Variants in TENM1 observed in about 807,000 individuals in gnomAD.
The protein encoded by TENM1 is teneurin transmembrane protein 1.
A neutral mutation model predicts 174.8 loss-of-function variants in TENM1; 35 were observed. The ratio of observed to expected loss-of-function variants is 0.20; its 90% CI spans 0.15 to 0.27. The LOEUF (loss-of-function observed/expected upper bound fraction) is 0.27, where lower values mean the gene tolerates loss of function less well. Among genes scored for constraint, TENM1 ranks in the 10% least tolerant of loss-of-function variants. The pLI, the probability that TENM1 is intolerant of heterozygous loss-of-function variation, is 1.00. For missense variants in TENM1, 1,633 were observed against 2,130.1 expected (o/e 0.77, Z 4.59); for synonymous variants, 781 against 798.7 (o/e 0.98, Z 0.37).
chrX:125,056,206 C>A, the TENM1 span, among the ~76,000 whole-genome samples: 1 of 111,052 alleles, frequency 9.0e-6, no homozygotes, highest in Non-Finnish European at 1.9e-5. Flanking sequence ...TACTGGTCAT[C>A]AAAGCCAGTG....
chrX:125,201,690 T>C, the TENM1 span, among the ~76,000 whole-genome samples: 1 of 111,945 alleles, frequency 8.9e-6, no homozygotes, highest in Non-Finnish European at 1.9e-5. Flanking sequence ...AGAGCATGGA[T>C]TTATTTTAGG....
intron 11 of TENM1, among the ~76,000 whole-genome samples, chrX:124,580,413 TATACACATATAC>T (rs2049273925): frequency 1.9e-5 from 2 of 103,483 alleles, no homozygotes; most frequent in Non-Finnish European, 4.1e-5. Context: ...TATATGTATA[TATACACATATAC>T]ATATATACAC....
chrX:125,133,024 C>T, the TENM1 span, among the ~76,000 whole-genome samples: 9 of 110,158 alleles, frequency 8.2e-5, no homozygotes, highest in South Asian at 1.6e-3. Flanking sequence ...TCTAGGGTCT[C>T]GCTCTGTCGC....
At chrX:124,587,382 C>G (rs927810867) in intron 11 of TENM1, among the ~76,000 whole-genome samples, 3 of 107,006 alleles carry the variant, frequency 2.8e-5, no homozygotes, top group African/African-American at 1.0e-4. Flanking sequence ...AGAAATAATG[C>G]CACATATCTA....
intron 4 of TENM1, among the ~76,000 whole-genome samples, chrX:124,724,451 G>A (rs1217448830): frequency 8.9e-6 from 1 of 112,143 alleles, no homozygotes; most frequent in Non-Finnish European, 1.9e-5. Context: ...GTTTCTACAT[G>A]AAAGTTGAAG....
chrX:124,435,185 C>T (rs2060824123), intron 23 of TENM1, among the ~76,000 whole-genome samples: 1 of 111,653 alleles, frequency 9.0e-6, no homozygotes, highest in African/African-American at 3.3e-5. Context: ...AGATCCAAGG[C>T]TTTGCTTGCA....
chrX:124,773,423 C>CA (rs754228033), intron 3 of TENM1, among the ~76,000 whole-genome samples: 738 of 62,680 alleles, frequency 0.012, 6 homozygotes, highest in African/African-American at 0.029. Context: ...TTTTAGCCTA[C>CA]AAAAAAAAAA....
At chrX:124,890,059 G>A (rs1353301493) in intron 3 of TENM1, among the ~76,000 whole-genome samples, 1 of 111,665 alleles carries the variant, frequency 9.0e-6, no homozygotes, top group East Asian at 2.8e-4. Context: ...TTCTTGAACA[G>A]AAATATCATT....
At chrX:124,738,799 A>AC (rs1319913966) in intron 3 of TENM1, among the ~76,000 whole-genome samples, 7 of 111,818 alleles carry the variant, frequency 6.3e-5, no homozygotes, top group African/African-American at 2.0e-4. Context: ...GAATGTTGAA[A>AC]CCCAAAGGAC....
the TENM1 span, among the ~76,000 whole-genome samples, chrX:125,161,055 A>T: frequency 9.3e-6 from 1 of 107,944 alleles, no homozygotes; most frequent in South Asian, 3.9e-4. Context: ...AAAAAAAAAA[A>T]AAAAAACAAA....
At chrX:125,069,069 A>T in the TENM1 span, among the ~76,000 whole-genome samples, 1 of 111,280 alleles carries the variant, frequency 9.0e-6, no homozygotes, top group African/African-American at 3.3e-5. Flanking sequence ...CATGGGAATG[A>T]TGGGGGGGTT....
chrX:124,708,623 C>T lies in TENM1; in HGVS notation c.777-3372G>A, dbSNP rs192963512. ...AGTACTACACAATCATTACAAATTG[C>T]GTGGCAAATGACTGTCTATTCACTG... On this transcript the variant is annotated intron_variant, in intron 4 of 31. Coordinates refer to ENST00000422452, the Ensembl canonical transcript of TENM1. Among the ~76,000 whole-genome samples the T allele has an allele frequency of 4.3e-3, 479 of 110,814 alleles. 2 individuals carry two copies. The highest frequency in any genetic ancestry group is 0.015 in the African/African-American group (466 of 30,487).
At chrX:124,452,767 C>T (rs1462888931) in intron 23 of TENM1, among the ~76,000 whole-genome samples, 3 of 103,327 alleles carry the variant, frequency 2.9e-5, no homozygotes, top group Non-Finnish European at 5.8e-5. Context: ...ATCGCAAGGA[C>T]AAAAAACCAA....
chrX:125,033,717 C>CT, the TENM1 span, among the ~76,000 whole-genome samples: 191 of 103,446 alleles, frequency 1.8e-3, no homozygotes, highest in African/African-American at 4.9e-3. Flanking sequence ...TGCAGATTTG[C>CT]TTTTTTTTTT....
At chrX:124,478,528 C>G (rs761931414) in intron 22 of TENM1, among the ~76,000 whole-genome samples, 1 of 112,335 alleles carries the variant, frequency 8.9e-6, no homozygotes, top group African/African-American at 3.2e-5. Context: ...AATTAGCTGT[C>G]GTACAGATTA....
intron 1 of TENM1, among the ~76,000 whole-genome samples, chrX:124,946,785 T>C (rs1172280581): frequency 1.8e-5 from 2 of 110,405 alleles, no homozygotes; most frequent in South Asian, 3.9e-4. Context: ...GGGAATGAAA[T>C]AAGAAAGACC....
chrX:124,661,093 T>C lies in TENM1; in HGVS notation c.1169-7310A>G, dbSNP rs192782628. ...TACATTGCTGTATATTATATGATTC[T>C]ATATGAAATGTAGAAATAGGCAAAT... is the stretch of plus-strand genomic sequence containing the variant. On this transcript the variant is annotated intron_variant, in intron 6 of 31. Coordinates refer to ENST00000422452, the Ensembl canonical transcript of TENM1. Among the ~76,000 whole-genome samples, 116 of 111,953 alleles carry C rather than the reference T, an allele frequency of 1.0e-3. 1 individual carries two copies. In the Admixed American group the frequency reaches 0.01, roughly 10 times the overall value.
the TENM1 span, among the ~76,000 whole-genome samples, chrX:125,125,803 T>C: frequency 8.9e-6 from 1 of 112,000 alleles, no homozygotes; most frequent in African/African-American, 3.2e-5. Flanking sequence ...AATCAATACA[T>C]CATAAGAATC....
chrX:124,684,949 G>A (rs1230167912), intron 5 of TENM1, among the ~76,000 whole-genome samples: 2 of 110,905 alleles, frequency 1.8e-5, no homozygotes, highest in Non-Finnish European at 3.8e-5. Flanking sequence ...AGGCTTACCA[G>A]CCCAAGGATT....
Sources: allele counts gnomAD v4.1 joint callset (sites outside exome capture counted in the v4.1 genomes callset), GRCh38; gene constraint gnomAD v4.1.1; transcripts MANE v1.5; gene names NCBI Gene and HGNC (gene_info 2026-07-23, HGNC 2026-07-21).